EIF2AK3: variants seen among roughly 807,000 people sequenced by gnomAD.
EIF2AK3 encodes eukaryotic translation initiation factor 2-alpha kinase 3.
In EIF2AK3, 50 loss-of-function variants were observed where a neutral mutation model predicts 113.5. The observed-to-expected ratio is 0.44, with a 90% CI of 0.35 to 0.56. The LOEUF (loss-of-function observed/expected upper bound fraction) is 0.56. Ranked by LOEUF, EIF2AK3 falls within the 20% of genes least tolerant of loss-of-function variation. EIF2AK3 has a pLI of 0.00. For missense variants in EIF2AK3, 1,185 were observed against 1,378.0 expected, an observed-to-expected ratio of 0.86 and a Z score of 2.22; for synonymous variants, 448 against 495.4, an observed-to-expected ratio of 0.90 and a Z score of 1.27.
At chr2:88,610,879 ACT>A (rs899919570) in intron 2 of EIF2AK3, among the ~76,000 whole-genome samples, 28 of 151,486 alleles carry the variant, frequency 1.8e-4, no homozygotes, top group Middle Eastern at 3.4e-3. Flanking sequence ...CAATATCGAG[ACT>A]CTGTCTCCAC....
At chr2:88,591,203 T>G (rs1674881124) in intron 4 of EIF2AK3, 151 bp from the exon 5 acceptor site, 1 of 754,216 alleles carries the variant, frequency 1.3e-6, no homozygotes, top group East Asian at 2.7e-5. Flanking sequence ...CTCTACTGAT[T>G]TATGCCACAA....
chr2:88,570,532 G>A (rs555763814), intron 14 of EIF2AK3, among the ~76,000 whole-genome samples: 17 of 152,312 alleles, frequency 1.1e-4, no homozygotes, highest in African/African-American at 3.8e-4. Context: ...GGGTCTAGCT[G>A]GCTCTGAAAA....
At chr2:88,591,710 T>G (rs1369172479) in intron 4 of EIF2AK3, among the ~76,000 whole-genome samples, 1 of 152,204 alleles carries the variant, frequency 6.6e-6, no homozygotes, top group Non-Finnish European at 1.5e-5. Flanking sequence ...CTGAGAGTAT[T>G]GTGTCTTTTC....
chr2:88,617,570 G>A (rs1487053680), intron 1 of EIF2AK3, among the ~76,000 whole-genome samples: 4 of 151,632 alleles, frequency 2.6e-5, no homozygotes, highest in South Asian at 2.1e-4. Context: ...CCTGGCCAAC[G>A]TGGTGAAACC....
chr2:88,575,595 A>C lies in EIF2AK3; in HGVS notation c.2037-149T>G, dbSNP rs574675602. ...ACATACAAACTAAATAAAAACATGCAATGTGAGATACAGAACATCACATTC... is the reference window on the plus strand; with the variant it reads ...ACATACAAACTAAATAAAAACATGCCATGTGAGATACAGAACATCACATTC... On this transcript the variant is annotated intron_variant, in intron 12 of 16. Coordinates refer to ENST00000303236, the MANE Select transcript of EIF2AK3 (RefSeq NM_004836.7). The C allele has an allele frequency of 4.2e-5, 34 of 814,762 alleles. No homozygotes were observed. In the African/African-American group the frequency reaches 4.4e-4, roughly 11 times the overall value. 50.5% of individuals were successfully genotyped at this position (814,762 alleles called of 1,614,324 possible). A position where few individuals can be genotyped will look rare whatever the true frequency, so the allele number is the denominator to read the frequency against.
chr2:88,596,284 G>T (rs1053300808), intron 2 of EIF2AK3, among the ~76,000 whole-genome samples: 3 of 152,066 alleles, frequency 2.0e-5, no homozygotes, highest in Admixed American at 2.0e-4. Context: ...TGTGTTCTCG[G>T]TTGCCCTCCC....
intron 8 of EIF2AK3, among the ~76,000 whole-genome samples, chr2:88,587,723 G>T (rs577825459): frequency 6.6e-6 from 1 of 152,232 alleles, no homozygotes; most frequent in East Asian, 1.9e-4. Context: ...TCAATACATA[G>T]ATATTAGGAT....
intron 1 of EIF2AK3, among the ~76,000 whole-genome samples, chr2:88,616,207 G>T (rs900381649): frequency 6.6e-6 from 1 of 151,858 alleles, no homozygotes; most frequent in Non-Finnish European, 1.5e-5. Flanking sequence ...CTGGTTTCAG[G>T]CCTCTCCCCT....
Position 88,585,972 on chromosome 2 carries a change from T to C in EIF2AK3, c.1519A>G (p.Asn507Asp). ...TVRFLDNPHY[N>D]KNIRKKDPVL... ...GGATCCTTTTTGCGGATATTCTTGT[T>C]GTAATGTGGGTTGTCGAGGAATCTG... Residue 507 changes from asparagine (N) to aspartate (D), a missense_variant, in exon 9 of 17, where the codon AAC becomes GAC. Transcript: ENST00000303236. 1 of 1,614,188 alleles carries C rather than the reference T, an allele frequency of 6.2e-7. No individual in the cohort carries two copies. Among genetic ancestry groups the C allele is most frequent in the Non-Finnish European group, 8.5e-7 (1 of 1,180,014 alleles).
chr2:88,618,280 G>C (rs1675635999), intron 1 of EIF2AK3, among the ~76,000 whole-genome samples: 1 of 152,128 alleles, frequency 6.6e-6, no homozygotes, highest in Non-Finnish European at 1.5e-5. Flanking sequence ...AAGACCACTT[G>C]CCCTATTTTG....
At position 88,563,921 on chromosome 2, in the gene EIF2AK3, T is replaced by C. The variant is rs369228520; in HGVS notation, c.2986-1531A>G. On this transcript the variant is annotated intron_variant, in intron 14 of 16. Transcript: ENST00000303236. ...ACAGATATTTTTGGTAAGTGATTTTTACTTTTTTGTTATATGTCCCTATAC... is the reference window on the plus strand; with the variant it reads ...ACAGATATTTTTGGTAAGTGATTTTCACTTTTTTGTTATATGTCCCTATAC... Among the ~76,000 whole-genome samples the C allele has an allele frequency of 2.7e-4, 41 of 152,338 alleles. No homozygotes were observed. The South Asian group carries it at 7.5e-3, about 28-fold the overall frequency.
At chr2:88,613,907 C>T (rs1675511955) in intron 1 of EIF2AK3, 54 bp from the exon 2 acceptor site, 1 of 1,522,616 alleles carries the variant, frequency 6.6e-7, no homozygotes, top group Non-Finnish European at 9.0e-7. Context: ...ATATTGGGCA[C>T]TTATCCCACA....
intron 10 of EIF2AK3, among the ~76,000 whole-genome samples, chr2:88,582,782 G>A (rs1441051616): frequency 6.6e-6 from 1 of 151,950 alleles, no homozygotes. Flanking sequence ...ATAGTTCCAC[G>A]TCTTTTCCTT....
chr2:88,594,532 G>A (rs1674966011), intron 3 of EIF2AK3, among the ~76,000 whole-genome samples: 1 of 152,096 alleles, frequency 6.6e-6, no homozygotes, highest in African/African-American at 2.4e-5. Context: ...CTTGATAATG[G>A]ATTTATAAGA....
intron 13 of EIF2AK3, 103 bp from the exon 14 acceptor site, chr2:88,571,144 A>G (rs1434781612): frequency 2.2e-6 from 3 of 1,349,940 alleles, no homozygotes; most frequent in Non-Finnish European, 1.1e-6. Flanking sequence ...AACAAACTAG[A>G]TATTTTCAAG....
intron 2 of EIF2AK3, chr2:88,595,913 TCTCAAA>T (rs1675008899): frequency 1.9e-6 from 1 of 534,850 alleles, no homozygotes; most frequent in Non-Finnish European, 3.4e-6. Flanking sequence ...GTAAGATTTT[TCTCAAA>T]CTCAGTTTAC....
At chr2:88,622,178 T>A (rs1346467231) in intron 1 of EIF2AK3, among the ~76,000 whole-genome samples, 1 of 152,186 alleles carries the variant, frequency 6.6e-6, no homozygotes, top group Non-Finnish European at 1.5e-5. Flanking sequence ...ATTACAGGCG[T>A]GAGCCACCAC....
At chr2:88,586,179 GTCTC>G (rs1045911930) in intron 8 of EIF2AK3, 118 bp from the exon 9 acceptor site, 3 of 784,920 alleles carry the variant, frequency 3.8e-6, no homozygotes, top group African/African-American at 3.5e-5. Context: ...TTTAAGTTTT[GTCTC>G]TCTTCTTTAA....
intron 2 of EIF2AK3, 172 bp from the exon 3 acceptor site, chr2:88,595,835 C>T: frequency 1.4e-6 from 1 of 709,542 alleles, no homozygotes. Flanking sequence ...TGAAGCAGTG[C>T]AGTCCATCAA....
Sources: allele counts gnomAD v4.1 joint callset (sites outside exome capture counted in the v4.1 genomes callset), GRCh38; gene constraint gnomAD v4.1.1; transcripts MANE v1.5; gene names NCBI Gene and HGNC (gene_info 2026-07-23, HGNC 2026-07-21).